ARHGAP35: variants seen among roughly 807,000 people sequenced by gnomAD.
ARHGAP35 encodes rho GTPase-activating protein 35.
ARHGAP35 carries 15 observed loss-of-function variants against 111.1 expected under a neutral mutation model. The observed-to-expected ratio is 0.13, with a 90% CI of 0.09 to 0.21. ARHGAP35 has a LOEUF of 0.21. ARHGAP35 is among the 10% of genes least tolerant of loss of function. The probability of loss-of-function intolerance (pLI) is 1.00; values close to 1 mark genes in which losing one functional copy is unlikely to be tolerated. For missense variants in ARHGAP35, 1,262 were observed against 1,873.0 expected (o/e 0.67, Z 6.02); for synonymous variants, 643 against 710.3 (o/e 0.91, Z 1.51).
rs753111353 is a variant in ARHGAP35, at chr19:46,920,757, C to T, written c.2082C>T (p.Val694=). Residue 694 remains valine, a synonymous_variant, in exon 2 of 7, where the codon GTC becomes GTT. Coordinates refer to ENST00000672722, the MANE Select transcript of ARHGAP35 (RefSeq NM_004491.5). This position sits in a 1 kb window ranked among gnomAD's most constrained non-coding sequence, Gnocchi z 7.0. The part of the protein sequence containing the change: ...STLGRRDNHL[V]HLPLTLILVN... ...TGGGCCGGCGGGATAATCATTTAGT[C>T]CATCTCCCCCTTACATTAATTTTGG... The T allele has an allele frequency of 3.1e-6, 5 of 1,609,910 alleles. No homozygotes were observed. The Admixed American group carries it at 8.5e-5, about 27-fold the overall frequency.
Position 46,892,646 on chromosome 19 carries a change from CTT to C in ARHGAP35, c.-188-25826_-188-25825del, listed in dbSNP as rs10711524. Among the ~76,000 whole-genome samples the C allele has an allele frequency of 7.8e-4, 104 of 132,652 alleles. 1 individual carries two copies. The highest frequency in any genetic ancestry group is 3.1e-3 in the South Asian group (13 of 4,206). 87.0% of individuals were successfully genotyped at this position (132,652 alleles called of 152,430 possible). A position where few individuals can be genotyped will look rare whatever the true frequency, so the allele number is the denominator to read the frequency against. On this transcript the variant is annotated intron_variant, in intron 1 of 6. Transcript: ENST00000672722. The stretch of plus-strand genomic sequence containing the variant: ...AATATTCAGAAGTTTTTGTTGGCTG[CTT>C]TTTTTTTTTTTTTTTCTGCCAGGAG...
rs1381577637 is a variant in ARHGAP35, at chr19:46,920,699, T to C, written c.2024T>C (p.Val675Ala). 1.9e-6 allele frequency: 3 copies of C among 1,613,670 alleles called. No individual in the cohort carries two copies. Among genetic ancestry groups the C allele is most frequent in the African/African-American group, 2.7e-5 (2 of 74,882 alleles). The change falls in exon 2 of 7, where the codon GTG becomes GCG. Residue 675 changes from valine (V) to alanine (A), a missense_variant. Val to Ala is a moderately conservative substitution (Grantham distance 64). Around this residue, in one of 8 missense-constraint regions of ARHGAP35, gnomAD observed 579 missense variants for 716.9 expected, o/e 0.81. Transcript: ENST00000672722. The surrounding 1 kb of genome is among the most constrained non-coding windows in gnomAD (Gnocchi z 7.0). ...TCAAAGGAATCGCTATCCTATGTAG[T>C]GGAAAGTATAGAGAAGAGTAGAGAG... ...YNSKESLSYV[V>A]ESIEKSREST... is the part of the protein sequence containing the mutation.
chr19:46,913,424 A>ACTT (rs972793672), intron 1 of ARHGAP35, among the ~76,000 whole-genome samples: 1 of 152,098 alleles, frequency 6.6e-6, no homozygotes, highest in African/African-American at 2.4e-5. Context: ...GAATGTTACC[A>ACTT]CTTCTTGCCC....
At chr19:46,870,447 C>CG (rs1568457448) in intron 1 of ARHGAP35, among the ~76,000 whole-genome samples, 3 of 151,768 alleles carry the variant, frequency 2.0e-5, no homozygotes, top group African/African-American at 7.2e-5. Context: ...GGTGTGGTGG[C>CG]GGGCGCCTGT....
In ARHGAP35 at chr19:47,004,572, C is replaced by T. The variant is rs192714978; in HGVS notation, c.*3884C>T. 21 of 152,738 alleles carry T rather than the reference C, an allele frequency of 1.4e-4. No individual in the cohort carries two copies. Among genetic ancestry groups the T allele is most frequent in the Non-Finnish European group, 1.9e-4 (13 of 68,034 alleles). The allele number at this position is 152,738 out of a possible 1,614,324, so 9.5% of individuals were successfully genotyped here. ...TTGAAAATTTGGAATAGTGCTGCTGCCAGCTTATTTTTCTGGTACTTGTAT... is the reference window on the plus strand; with the variant it reads ...TTGAAAATTTGGAATAGTGCTGCTGTCAGCTTATTTTTCTGGTACTTGTAT... On this transcript the variant is annotated 3_prime_UTR_variant, in exon 7 of 7. Coordinates refer to ENST00000672722, the MANE Select transcript of ARHGAP35 (RefSeq NM_004491.5).
intron 1 of ARHGAP35, among the ~76,000 whole-genome samples, chr19:46,899,157 C>T (rs181507149): frequency 5.9e-5 from 9 of 152,108 alleles, no homozygotes; most frequent in Non-Finnish European, 1.0e-4. Context: ...TTTCTCATAA[C>T]GGAGATGGGC....
intron 1 of ARHGAP35, among the ~76,000 whole-genome samples, chr19:46,879,779 TGTCTC>T (rs1257418785): frequency 8.7e-6 from 1 of 115,552 alleles, no homozygotes; most frequent in Non-Finnish European, 1.8e-5. Flanking sequence ...ACTAGACTCT[TGTCTC>T]AAAAAAAAAA....
At position 46,986,798 on chromosome 19, in the gene ARHGAP35, A is replaced by C. The variant is rs2056652587; in HGVS notation, c.3827-1191A>C. ...ATCTGTTAAGCTTTTACTAGTTGTC[A>C]AAAAAACATACTTGTGAGTTAATTT... is the stretch of plus-strand genomic sequence containing the variant. On this transcript the variant is annotated intron_variant, in intron 3 of 6. Coordinates refer to ENST00000672722, the MANE Select transcript of ARHGAP35 (RefSeq NM_004491.5). The surrounding 1 kb of genome is among the most constrained non-coding windows in gnomAD (Gnocchi z 4.3). Among the ~76,000 whole-genome samples, 1 of 152,222 alleles carries C rather than the reference A, an allele frequency of 6.6e-6. No homozygotes were observed. Among genetic ancestry groups the C allele is most frequent in the Non-Finnish European group, 1.5e-5 (1 of 68,038 alleles).
intron 1 of ARHGAP35, among the ~76,000 whole-genome samples, chr19:46,879,587 A>AAAATAAATAAATAAAAAAAT (rs1555754359): frequency 1.1e-5 from 1 of 87,678 alleles, no homozygotes; most frequent in African/African-American, 4.4e-5. Context: ...ACTCCATCTC[A>AAAATAAATAAATAAAAAAAT]AAATAAATAA....
rs1445034184 is a variant in ARHGAP35, at chr19:46,920,258, A to T, written c.1583A>T (p.Gln528Leu). Reference protein sequence around the residue: ...GVIQDVLGEEQRFKALQKLQA... With the variant: ...GVIQDVLGEELRFKALQKLQA... ...ATTCAGGATGTTCTGGGAGAGGAACAGCGATTTAAAGCATTACAAAAGCTC... is the reference window on the plus strand; with the variant it reads ...ATTCAGGATGTTCTGGGAGAGGAACTGCGATTTAAAGCATTACAAAAGCTC... The change falls in exon 2 of 7, where the codon CAG becomes CTG. Residue 528 changes from glutamine (Q) to leucine (L), a missense_variant. Gln to Leu is a moderately radical substitution (Grantham distance 113, BLOSUM62 -2). Coordinates refer to ENST00000672722, the MANE Select transcript of ARHGAP35 (RefSeq NM_004491.5). This position sits in a 1 kb window ranked among gnomAD's most constrained non-coding sequence, Gnocchi z 7.0. 9 of 1,613,916 alleles carry T rather than the reference A, an allele frequency of 5.6e-6. No individual in the cohort carries two copies. In the Admixed American group the frequency reaches 1.3e-4, roughly 24 times the overall value.
rs140159432 is a variant in ARHGAP35 at position 46,867,545 on chromosome 19, G to A, written c.-189+6336G>A. Among the ~76,000 whole-genome samples the A allele has an allele frequency of 2.3e-3, 354 of 152,296 alleles. 3 individuals are homozygous for A. The highest frequency in any genetic ancestry group is 8.3e-3 in the African/African-American group (345 of 41,570). On this transcript the variant is annotated intron_variant, in intron 1 of 6. Transcript: ENST00000672722. ...ACTACAGTTCCTTCATTTGAAAAAT[G>A]AAGGGATTATACTAGTTGGTTCCCA... is the stretch of plus-strand genomic sequence containing the variant.
intron 1 of ARHGAP35, among the ~76,000 whole-genome samples, chr19:46,863,211 G>T (rs1210838879): frequency 6.6e-6 from 1 of 152,138 alleles, no homozygotes; most frequent in African/African-American, 2.4e-5. Flanking sequence ...TCCCTCTGCT[G>T]CAGAGGCAAA....
intron 3 of ARHGAP35, among the ~76,000 whole-genome samples, chr19:46,957,733 G>A (rs986385970): frequency 6.6e-5 from 10 of 152,242 alleles, no homozygotes; most frequent in African/African-American, 2.4e-4. Context: ...CAAGGTGATT[G>A]GTGCTGGCAT....
At chr19:46,957,732 T>G (rs1207788378) in intron 3 of ARHGAP35, among the ~76,000 whole-genome samples, 1 of 152,238 alleles carries the variant, frequency 6.6e-6, no homozygotes, top group Non-Finnish European at 1.5e-5. Context: ...GCAAGGTGAT[T>G]GGTGCTGGCA....
intron 3 of ARHGAP35, among the ~76,000 whole-genome samples, chr19:46,943,589 A>T (rs1419083064): frequency 1.3e-5 from 2 of 152,148 alleles, no homozygotes; most frequent in African/African-American, 4.8e-5. Flanking sequence ...CACAGTTTCC[A>T]TGTAGTATTC....
At chr19:46,970,442 G>T (rs559316136) in intron 3 of ARHGAP35, among the ~76,000 whole-genome samples, 24 of 152,280 alleles carry the variant, frequency 1.6e-4, no homozygotes, top group African/African-American at 5.3e-4. Context: ...TTACGTAGGG[G>T]TGCTTAACCT....
chr19:46,945,530 T>C lies in ARHGAP35; in HGVS notation c.3826+8122T>C, dbSNP rs1218111184. Among the ~76,000 whole-genome samples, 1 of 152,156 alleles carries C rather than the reference T, an allele frequency of 6.6e-6. No homozygotes were observed. The highest frequency in any genetic ancestry group is 2.4e-5 in the African/African-American group (1 of 41,428). On this transcript the variant is annotated intron_variant, in intron 3 of 6. Coordinates refer to ENST00000672722, the MANE Select transcript of ARHGAP35 (RefSeq NM_004491.5). The surrounding 1 kb of genome is among the most constrained non-coding windows in gnomAD (Gnocchi z 4.1). ...GTCACAAGACTGAGGTTTTAAATCC[T>C]GGGTCTCAGGGCCAAATTTGAGTCA...
At chr19:46,898,198 C>T (rs1457568507) in intron 1 of ARHGAP35, among the ~76,000 whole-genome samples, 19 of 150,656 alleles carry the variant, frequency 1.3e-4, no homozygotes, top group Admixed American at 1.2e-3. Context: ...GCCGAGATCG[C>T]GCCACTGCAC....
intron 1 of ARHGAP35, among the ~76,000 whole-genome samples, chr19:46,909,198 G>A (rs2056125746): frequency 6.6e-6 from 1 of 152,186 alleles, no homozygotes; most frequent in Non-Finnish European, 1.5e-5. Flanking sequence ...AGCTACTCAG[G>A]AGGTTGAGGT....
Sources: gnomAD v4.1 joint callset for allele counts (sites outside exome capture counted in the v4.1 genomes callset) on GRCh38, gnomAD v4.1.1 for gene constraint, gnomAD v4.1.1 regional missense constraint, Gnocchi (gnomAD v3.1) non-coding constraint, MANE v1.5 for transcripts, NCBI Gene and HGNC (gene_info 2026-07-23, HGNC 2026-07-21) for gene names.